Variants in CCSER2 observed in about 807,000 individuals in gnomAD.
CCSER2 encodes the protein coiled-coil serine rich protein 2.
A neutral mutation model predicts 92.3 loss-of-function variants in CCSER2; 46 were observed. That is an observed-to-expected ratio of 0.50 (90% CI 0.39 to 0.64). The LOEUF (loss-of-function observed/expected upper bound fraction) is 0.64, where lower values mean the gene tolerates loss of function less well. CCSER2 is among the 30% of genes least tolerant of loss of function. The pLI, the probability that CCSER2 is intolerant of heterozygous loss-of-function variation, is 0.00. For missense variants in CCSER2, 1,244 were observed against 1,238.9 expected, an observed-to-expected ratio of 1.00 and a Z score of -0.06; for synonymous variants, 433 against 431.4, an observed-to-expected ratio of 1.00 and a Z score of -0.04.
At chr10:84,476,051 G>A (rs570699963) in intron 8 of CCSER2, among the ~76,000 whole-genome samples, 194 of 152,216 alleles carry the variant, frequency 1.3e-3, no homozygotes, top group African/African-American at 4.5e-3. Context: ...GCCCAGGCTG[G>A]TCTGGAACCC....
At chr10:84,365,964 A>G (rs975907473) in intron 1 of CCSER2, among the ~76,000 whole-genome samples, 1 of 152,186 alleles carries the variant, frequency 6.6e-6, no homozygotes, top group Non-Finnish European at 1.5e-5. Flanking sequence ...GGAAAAGACC[A>G]TTATCAAAAA....
intron 1 of CCSER2, among the ~76,000 whole-genome samples, chr10:84,364,746 G>GT (rs34211688): frequency 0.049 from 6,839 of 139,362 alleles, 225 homozygotes; most frequent in African/African-American, 0.099. Context: ...ATTTTTTTTT[G>GT]TTTTTTTTTT....
chr10:84,347,523 C>T (rs1454559450), intron 1 of CCSER2, among the ~76,000 whole-genome samples: 1 of 151,380 alleles, frequency 6.6e-6, no homozygotes, highest in Admixed American at 6.6e-5. Context: ...CCACCTCCCT[C>T]CCGGACGGGG....
intron 9 of CCSER2, among the ~76,000 whole-genome samples, chr10:84,481,787 A>T (rs1463560577): frequency 6.6e-6 from 1 of 152,056 alleles, no homozygotes; most frequent in Non-Finnish European, 1.5e-5. Context: ...ATGTAGTGTT[A>T]TAAACTCCCC....
chr10:84,329,319 T>A (rs898496588), intron 1 of CCSER2, among the ~76,000 whole-genome samples: 2 of 152,272 alleles, frequency 1.3e-5, no homozygotes, highest in African/African-American at 4.8e-5. Context: ...CATACATTTT[T>A]AAATAATGCA....
chr10:84,368,673 TTTAA>T (rs1845909863), intron 1 of CCSER2, among the ~76,000 whole-genome samples: 1 of 152,214 alleles, frequency 6.6e-6, no homozygotes, highest in Non-Finnish European at 1.5e-5. Flanking sequence ...TAATATGTTC[TTTAA>T]TTACCTTTTA....
At chr10:84,387,642 C>T (rs1841293973) in intron 3 of CCSER2, among the ~76,000 whole-genome samples, 1 of 152,094 alleles carries the variant, frequency 6.6e-6, no homozygotes, top group Non-Finnish European at 1.5e-5. Context: ...CATTCTCCTG[C>T]CTCAGCCTCC....
Position 84,399,666 on chromosome 10 carries a change from T to C in CCSER2, c.1615-18105T>C, listed in dbSNP as rs1842014363. Among the ~76,000 whole-genome samples, 3 of 152,304 alleles carry C rather than the reference T, an allele frequency of 2.0e-5. No homozygotes were observed. The South Asian group carries it at 6.2e-4, about 32-fold the overall frequency. On this transcript the variant is annotated intron_variant, in intron 3 of 9. Transcript: ENST00000372088. ...GGAAAATGTTCATATTTAATTATTA[T>C]ATCCCCTCCATTGTTTCTGTGCCCC...
At chr10:84,402,684 A>G (rs1262666913) in intron 3 of CCSER2, among the ~76,000 whole-genome samples, 1 of 152,230 alleles carries the variant, frequency 6.6e-6, no homozygotes, top group African/African-American at 2.4e-5. Flanking sequence ...CATTATGTTA[A>G]TACTTAATGA....
intron 1 of CCSER2, among the ~76,000 whole-genome samples, chr10:84,332,484 G>A (rs1843634701): frequency 8.6e-6 from 1 of 116,564 alleles, no homozygotes; most frequent in South Asian, 2.8e-4. Flanking sequence ...CTGTTGCCAG[G>A]CTGGAGTGCA....
intron 3 of CCSER2, among the ~76,000 whole-genome samples, chr10:84,415,720 C>T (rs144858559): frequency 8.5e-4 from 129 of 152,282 alleles, no homozygotes; most frequent in African/African-American, 2.8e-3. Flanking sequence ...CTTTCTTGTT[C>T]GGACTGTCTG....
At chr10:84,391,462 A>C (rs186439938) in intron 3 of CCSER2, 47 of 1,565,742 alleles carry the variant, frequency 3.0e-5, no homozygotes, top group Non-Finnish European at 4.1e-5. Context: ...ACCTCACAAA[A>C]GCTTGCTTTC....
In CCSER2 at chr10:84,369,144, G is replaced by GT. The variant is rs143337539; in HGVS notation, c.-39-1856dup. The stretch of plus-strand genomic sequence containing the variant: ...TGCTGTGATAAACATACATATGCAG[G>GT]TTTTTTTTTTTTTTGATACAGTTTT... On this transcript the variant is annotated intron_variant, in intron 1 of 9. Transcript: ENST00000372088. Among the ~76,000 whole-genome samples, 1,428 of 143,426 alleles carry GT rather than the reference G, an allele frequency of 1.0e-2. 11 individuals are homozygous for GT. Among genetic ancestry groups the GT allele is most frequent in the African/African-American group, 0.028 (1,087 of 39,302 alleles). 94.1% of individuals were successfully genotyped at this position (143,426 alleles called of 152,430 possible). A position where few individuals can be genotyped will look rare whatever the true frequency, so the allele number is the denominator to read the frequency against.
chr10:84,507,793 C>CT (rs1849144489), intron 9 of CCSER2, among the ~76,000 whole-genome samples: 1 of 152,028 alleles, frequency 6.6e-6, no homozygotes, highest in Admixed American at 6.6e-5. Flanking sequence ...ACTACTTTGC[C>CT]TTTTTTCATG....
intron 3 of CCSER2, among the ~76,000 whole-genome samples, chr10:84,387,324 A>G (rs1057006574): frequency 6.6e-6 from 1 of 152,092 alleles, no homozygotes; most frequent in South Asian, 2.1e-4. Context: ...TTCCTGTTGT[A>G]TCGTGAGGAC....
At chr10:84,403,542 G>A (rs996651931) in intron 3 of CCSER2, among the ~76,000 whole-genome samples, 1 of 152,116 alleles carries the variant, frequency 6.6e-6, no homozygotes, top group Non-Finnish European at 1.5e-5. Context: ...ATCTGACAAA[G>A]TTCTCGTGTC....
intron 1 of CCSER2, among the ~76,000 whole-genome samples, chr10:84,346,735 C>G (rs1279126813): frequency 2.7e-5 from 4 of 150,502 alleles, no homozygotes; most frequent in Non-Finnish European, 5.9e-5. Context: ...CAAGAAGCCT[C>G]TTGGCAATCC....
At chr10:84,376,943 A>G (rs1846370316) in intron 3 of CCSER2, among the ~76,000 whole-genome samples, 1 of 152,076 alleles carries the variant, frequency 6.6e-6, no homozygotes, top group Admixed American at 6.6e-5. Flanking sequence ...CTCACAGAGC[A>G]CCTTCACATA....
chr10:84,382,721 C>G (rs1840981320), intron 3 of CCSER2, among the ~76,000 whole-genome samples: 2 of 152,120 alleles, frequency 1.3e-5, no homozygotes, highest in Admixed American at 1.3e-4. Flanking sequence ...ATAGGAGGCC[C>G]AAAGAAGTGT....
Sources: gnomAD v4.1 joint callset for allele counts (sites outside exome capture counted in the v4.1 genomes callset) on GRCh38, gnomAD v4.1.1 for gene constraint, MANE v1.5 for transcripts, NCBI Gene and HGNC (gene_info 2026-07-23, HGNC 2026-07-21) for gene names.